SMYD3: variants seen among roughly 807,000 people sequenced by gnomAD.
The protein encoded by SMYD3 is SET and MYND domain containing 3, also known as histone-lysine N-methyltransferase SMYD3.
SMYD3 carries 36 observed loss-of-function variants against 57.7 expected under a neutral mutation model. That is an observed-to-expected ratio of 0.62 (90% CI 0.48 to 0.82). The LOEUF is 0.82. SMYD3 is among the 40% of genes least tolerant of loss of function. SMYD3 has a pLI of 0.00. For missense variants in SMYD3, 515 were observed against 538.8 expected (o/e 0.96, Z 0.44); for synonymous variants, 211 against 195.0 (o/e 1.08, Z -0.68).
At chr1:246,336,861 T>C (rs1348212350) in intron 2 of SMYD3, among the ~76,000 whole-genome samples, 1 of 152,200 alleles carries the variant, frequency 6.6e-6, no homozygotes, top group Non-Finnish European at 1.5e-5. Flanking sequence ...GTACGTCACA[T>C]TTATTTGAGA....
intron 10 of SMYD3, among the ~76,000 whole-genome samples, chr1:245,844,827 CCAATCACAGACAGACTGCCTCTGTGGT>C (rs145330287): frequency 0.034 from 5,196 of 152,212 alleles, 285 homozygotes; most frequent in African/African-American, 0.12. Context: ...CTAGCTTTAG[CCAATCACAGACAGACTGCCTCTGTGGT>C]CAATCACATA....
chr1:245,857,725 G>T (rs1389664233), intron 10 of SMYD3, among the ~76,000 whole-genome samples: 1 of 152,046 alleles, frequency 6.6e-6, no homozygotes, highest in Non-Finnish European at 1.5e-5. Context: ...ACATGTCTCC[G>T]TGCCCTTCCC....
chr1:246,040,490 A>G (rs1350130379), intron 5 of SMYD3, among the ~76,000 whole-genome samples: 1 of 152,218 alleles, frequency 6.6e-6, no homozygotes, highest in Non-Finnish European at 1.5e-5. Flanking sequence ...CTGCCGTCTG[A>G]GCACTGCTTT....
chr1:246,492,303 T>A (rs1424865261), intron 1 of SMYD3, among the ~76,000 whole-genome samples: 1 of 152,146 alleles, frequency 6.6e-6, no homozygotes, highest in Admixed American at 6.5e-5. Context: ...TCTGATTCGA[T>A]CAGTACTGAG....
At chr1:246,000,521 C>T (rs2059020099) in intron 5 of SMYD3, among the ~76,000 whole-genome samples, 1 of 152,166 alleles carries the variant, frequency 6.6e-6, no homozygotes, top group South Asian at 2.1e-4. Flanking sequence ...ATCAACCATG[C>T]CCCTAAACCA....
chr1:246,140,538 A>G (rs2061736966), intron 5 of SMYD3, among the ~76,000 whole-genome samples: 1 of 152,116 alleles, frequency 6.6e-6, no homozygotes, highest in South Asian at 2.1e-4. Flanking sequence ...GTGGTGGATT[A>G]TTTTCCTATT....
At chr1:245,889,664 A>G (rs956754160) in intron 8 of SMYD3, among the ~76,000 whole-genome samples, 2 of 152,198 alleles carry the variant, frequency 1.3e-5, no homozygotes, top group African/African-American at 4.8e-5. Context: ...CTTACATGGC[A>G]AATTCTGAAA....
At chr1:245,935,497 G>T (rs1214305387) in intron 5 of SMYD3, among the ~76,000 whole-genome samples, 4 of 152,108 alleles carry the variant, frequency 2.6e-5, no homozygotes, top group Admixed American at 2.0e-4. Context: ...GAAGTTACTC[G>T]AAAACCTCAA....
At chr1:245,879,957 C>T (rs1453854856) in intron 8 of SMYD3, among the ~76,000 whole-genome samples, 1 of 146,006 alleles carries the variant, frequency 6.8e-6, no homozygotes, top group Non-Finnish European at 1.5e-5. Context: ...TTGCTGTACA[C>T]ACCAGAGATA....
chr1:245,947,458 T>A (rs896444746), intron 5 of SMYD3: 4 of 456,400 alleles, frequency 8.8e-6, no homozygotes, highest in Non-Finnish European at 1.8e-5. Flanking sequence ...TGCCTTCTGC[T>A]ACCCCATGTC....
At chr1:246,452,496 TTCAAAAAAGAA>T (rs1334675899) in intron 1 of SMYD3, among the ~76,000 whole-genome samples, 1 of 152,060 alleles carries the variant, frequency 6.6e-6, no homozygotes, top group African/African-American at 2.4e-5. Flanking sequence ...AAGACTCCGT[TTCAAAAAAGAA>T]ACGGAAAAAA....
intron 5 of SMYD3, among the ~76,000 whole-genome samples, chr1:245,961,142 GTCTACTCT>G (rs2057994828): frequency 1.3e-5 from 2 of 152,138 alleles, no homozygotes; most frequent in Admixed American, 1.3e-4. Context: ...AGAGATGGTG[GTCTACTCT>G]GCATTCTCCC....
intron 10 of SMYD3, among the ~76,000 whole-genome samples, chr1:245,808,178 T>C (rs900851547): frequency 6.6e-6 from 1 of 152,196 alleles, no homozygotes; most frequent in African/African-American, 2.4e-5. Flanking sequence ...TGAGTTCTGG[T>C]ACATTAAGCA....
rs2059596701 is a variant in SMYD3 at position 246,027,506 on chromosome 1, A to C, written c.532-97569T>G. Among the ~76,000 whole-genome samples, 3 of 152,318 alleles carry C rather than the reference A, an allele frequency of 2.0e-5. No individual in the cohort carries two copies. The South Asian group carries it at 6.2e-4, about 32-fold the overall frequency. On this transcript the variant is annotated intron_variant, in intron 5 of 11. Transcript: ENST00000490107. ...CATTTAAAAAATCCTACAGCCCTTA[A>C]GAACTGTGGTAAATCTGTACTGCCC...
At chr1:245,893,866 A>G (rs2148590688) in intron 8 of SMYD3, among the ~76,000 whole-genome samples, 1 of 152,352 alleles carries the variant, frequency 6.6e-6, no homozygotes, top group Admixed American at 6.5e-5. Context: ...CCAATTCTTT[A>G]AAAAGATAGG....
chr1:246,448,218 A>G (rs141998651), intron 1 of SMYD3, among the ~76,000 whole-genome samples: 2 of 152,088 alleles, frequency 1.3e-5, no homozygotes. Flanking sequence ...CTCCGTCTCA[A>G]AAAAAAATAA....
rs540151359 is a variant in SMYD3 at position 246,071,480 on chromosome 1, C to T, written c.532-141543G>A. On this transcript the variant is annotated intron_variant, in intron 5 of 11. Transcript: ENST00000490107. Reference sequence around the variant, plus strand: ...TTTCAAAATTTCAGACTTATTTATCCCCACTATAATCACAAGTAGTGATTA... The same window carrying T: ...TTTCAAAATTTCAGACTTATTTATCTCCACTATAATCACAAGTAGTGATTA... Among the ~76,000 whole-genome samples, 9 of 152,062 alleles carry T rather than the reference C, an allele frequency of 5.9e-5. No individual in the cohort carries two copies. In the East Asian group the frequency reaches 1.7e-3, roughly 29 times the overall value.
chr1:246,349,018 T>A (rs963733085), intron 2 of SMYD3, among the ~76,000 whole-genome samples: 3 of 151,834 alleles, frequency 2.0e-5, no homozygotes, highest in African/African-American at 7.3e-5. Context: ...GAAGGGAAAA[T>A]AAAGACTTTT....
At chr1:246,019,918 C>T (rs1558156472) in intron 5 of SMYD3, among the ~76,000 whole-genome samples, 1 of 152,162 alleles carries the variant, frequency 6.6e-6, no homozygotes, top group African/African-American at 2.4e-5. Context: ...AGCAATTTAA[C>T]AAGATATGTA....
Sources: allele counts gnomAD v4.1 joint callset (sites outside exome capture counted in the v4.1 genomes callset), GRCh38; gene constraint gnomAD v4.1.1; transcripts MANE v1.5; gene names NCBI Gene and HGNC (gene_info 2026-07-23, HGNC 2026-07-21).